CCNJL: variants seen among roughly 807,000 people sequenced by gnomAD.
The protein encoded by CCNJL is cyclin-J-like protein.
A neutral mutation model predicts 33.4 loss-of-function variants in CCNJL; 33 were observed. That is an observed-to-expected ratio of 0.99 (90% CI 0.75 to 1.32). The LOEUF (loss-of-function observed/expected upper bound fraction) is 1.32, where lower values mean the gene tolerates loss of function less well. CCNJL is among the 40% of genes most tolerant of loss of function. The pLI is 0.00. For missense variants in CCNJL, 512 were observed against 499.7 expected (o/e 1.02, Z -0.23); for synonymous variants, 227 against 220.9 (o/e 1.03, Z -0.24).
chr5:160,296,621 C>T (rs1273511558), intron 2 of CCNJL, among the ~76,000 whole-genome samples: 1 of 152,180 alleles, frequency 6.6e-6, no homozygotes, highest in African/African-American at 2.4e-5. Flanking sequence ...CATGGGTTCT[C>T]AGGATAAGGT....
At chr5:160,291,617 C>T (rs1444397704) in intron 2 of CCNJL, among the ~76,000 whole-genome samples, 1 of 152,202 alleles carries the variant, frequency 6.6e-6, no homozygotes, top group East Asian at 1.9e-4. Context: ...AACTGCAGTG[C>T]ATCCACAAGG....
At chr5:160,308,229 T>C (rs919716762) in intron 2 of CCNJL, among the ~76,000 whole-genome samples, 2 of 152,210 alleles carry the variant, frequency 1.3e-5, no homozygotes, top group African/African-American at 4.8e-5. Context: ...GTACCCACCA[T>C]GCACCTCACA....
At chr5:160,268,655 C>A (rs1761706587) in intron 3 of CCNJL, among the ~76,000 whole-genome samples, 1 of 152,148 alleles carries the variant, frequency 6.6e-6, no homozygotes, top group Admixed American at 6.5e-5. Context: ...CTGAGAGGAC[C>A]ACAGGGGTTG....
intron 3 of CCNJL, among the ~76,000 whole-genome samples, chr5:160,276,697 G>C (rs752229140): frequency 1.3e-5 from 2 of 152,320 alleles, no homozygotes; most frequent in Non-Finnish European, 2.9e-5. Context: ...GAAGTAGAGA[G>C]AGCGTGAAGG....
chr5:160,280,203 C>T (rs1762159840), intron 3 of CCNJL, among the ~76,000 whole-genome samples: 2 of 152,136 alleles, frequency 1.3e-5, no homozygotes, highest in African/African-American at 2.4e-5. Context: ...ATCTTGTCTG[C>T]CATATACTAC....
intron 2 of CCNJL, among the ~76,000 whole-genome samples, chr5:160,284,783 T>C (rs557998637): frequency 6.6e-6 from 1 of 152,378 alleles, no homozygotes; most frequent in African/African-American, 2.4e-5. Context: ...TATGAAGAAA[T>C]TGAGTTTCAA....
At chr5:160,273,107 T>C (rs1761895084) in intron 3 of CCNJL, among the ~76,000 whole-genome samples, 2 of 152,230 alleles carry the variant, frequency 1.3e-5, no homozygotes, top group South Asian at 4.1e-4. Flanking sequence ...ATCTGGTCAA[T>C]TCTTGTTATT....
At chr5:160,329,426 C>T (rs1020858945) in intron 1 of CCNJL, among the ~76,000 whole-genome samples, 2 of 151,160 alleles carry the variant, frequency 1.3e-5, no homozygotes, top group African/African-American at 4.9e-5. Context: ...TCTCGGCTCA[C>T]TGCAAGCTCC....
Position 160,298,231 on chromosome 5 carries a change from G to A in CCNJL, c.66+13627C>T, listed in dbSNP as rs117258645. On this transcript the variant is annotated intron_variant, in intron 2 of 5. Coordinates refer to ENST00000257536, the MANE Select transcript of CCNJL (RefSeq NM_001308173.3). ...ATGTTGAGGCCGGGCGTGGTGGTGC[G>A]CACCTGTAATCCCAGCTACTCAGAA... 7.3e-3 allele frequency among the ~76,000 whole-genome samples: 1,118 copies of A among 152,214 alleles called. 15 individuals carry two copies. Among genetic ancestry groups the A allele is most frequent in the African/African-American group, 0.024 (1,015 of 41,518 alleles).
chr5:160,264,047 G>A (rs1475443840), intron 3 of CCNJL, among the ~76,000 whole-genome samples: 1 of 151,402 alleles, frequency 6.6e-6, no homozygotes, highest in Non-Finnish European at 1.5e-5. Context: ...CTGGGTTCAG[G>A]TGGCCCTCCC....
At chr5:160,282,551 C>A (rs1194960229) in intron 2 of CCNJL, among the ~76,000 whole-genome samples, 1 of 151,918 alleles carries the variant, frequency 6.6e-6, no homozygotes, top group African/African-American at 2.4e-5. Flanking sequence ...ATTTGAAAAT[C>A]ACATGTTAAT....
chr5:160,327,853 AAAG>A (rs1457714041), intron 1 of CCNJL, among the ~76,000 whole-genome samples: 27 of 152,166 alleles, frequency 1.8e-4, no homozygotes, highest in African/African-American at 6.5e-4. Flanking sequence ...GAGGAAATCC[AAAG>A]AAGAACAAAT....
At chr5:160,310,620 T>C (rs1378257925) in intron 2 of CCNJL, among the ~76,000 whole-genome samples, 2 of 152,186 alleles carry the variant, frequency 1.3e-5, no homozygotes, top group Non-Finnish European at 2.9e-5. Flanking sequence ...CCAAATGTCA[T>C]GTTAATCTGG....
At chr5:160,327,089 T>C (rs997946194) in intron 1 of CCNJL, 2 of 297,812 alleles carry the variant, frequency 6.7e-6, no homozygotes, top group South Asian at 3.2e-5. Context: ...TATTACAAGA[T>C]GGCAATAAAT....
intron 2 of CCNJL, among the ~76,000 whole-genome samples, chr5:160,307,188 T>G (rs891607247): frequency 6.6e-6 from 1 of 152,214 alleles, no homozygotes; most frequent in Non-Finnish European, 1.5e-5. Context: ...TGTGCCTGCA[T>G]CAGGTGAGGT....
At chr5:160,259,359 C>T (rs1761213989) in intron 4 of CCNJL, 110 bp downstream of exon 4, 1 of 905,494 alleles carries the variant, frequency 1.1e-6, no homozygotes. Context: ...TGCACAGGCC[C>T]CAGTGAGAAG....
At chr5:160,329,027 G>A (rs993767031) in intron 1 of CCNJL, among the ~76,000 whole-genome samples, 3 of 152,122 alleles carry the variant, frequency 2.0e-5, no homozygotes, top group African/African-American at 7.2e-5. Context: ...CTCTAACCAC[G>A]AGGCTCCCCT....
chr5:160,293,536 G>A (rs984987893), intron 2 of CCNJL, among the ~76,000 whole-genome samples: 5 of 152,164 alleles, frequency 3.3e-5, no homozygotes, highest in Non-Finnish European at 5.9e-5. Flanking sequence ...CCATCAGCAC[G>A]TAAATACTCG....
chr5:160,253,321 A>G lies in CCNJL; in HGVS notation c.*57T>C. On this transcript the variant is annotated 3_prime_UTR_variant, in exon 6 of 6. Transcript: ENST00000257536. ...CTCACTTGGCTGAGCTCTCCTCTTC[A>G]GTGTCCTCTTCCTCTGCCCACATCT... 1 of 1,500,924 alleles carries G rather than the reference A, an allele frequency of 6.7e-7. No individual in the cohort carries two copies. Among genetic ancestry groups the G allele is most frequent in the South Asian group, 1.3e-5 (1 of 75,782 alleles). 93.0% of individuals were successfully genotyped at this position (1,500,924 alleles called of 1,614,324 possible). A position where few individuals can be genotyped will look rare whatever the true frequency, so the allele number is the denominator to read the frequency against.
Sources: gnomAD v4.1 joint callset for allele counts (sites outside exome capture counted in the v4.1 genomes callset) on GRCh38, gnomAD v4.1.1 for gene constraint, MANE v1.5 for transcripts, NCBI Gene and HGNC (gene_info 2026-07-23, HGNC 2026-07-21) for gene names.